Variants in SAMD12 observed in about 807,000 individuals in gnomAD.
SAMD12 encodes sterile alpha motif domain-containing protein 12.
Under a neutral mutation model 15.0 loss-of-function variants are expected in SAMD12, and 9 were observed. The observed-to-expected ratio is 0.60, with a 90% CI of 0.36 to 1.05. The LOEUF is 1.05. Ranked by LOEUF, SAMD12 falls within the 50% of genes least tolerant of loss-of-function variation. The probability of loss-of-function intolerance (pLI) is 0.01; values close to 1 mark genes in which losing one functional copy is unlikely to be tolerated. For synonymous variants in SAMD12, 86 were observed against 90.1 expected (o/e 0.96, Z 0.25); for missense variants, 230 against 234.2 (o/e 0.98, Z 0.12).
chr8:118,429,328 C>G (rs1051833120), intron 3 of SAMD12, among the ~76,000 whole-genome samples: 1 of 152,184 alleles, frequency 6.6e-6, no homozygotes, highest in African/African-American at 2.4e-5. Flanking sequence ...GAAATGCTCA[C>G]TGCAGTACTT....
At chr8:118,604,844 C>T (rs1389869416) in intron 1 of SAMD12, among the ~76,000 whole-genome samples, 1 of 152,068 alleles carries the variant, frequency 6.6e-6, no homozygotes, top group African/African-American at 2.4e-5. Flanking sequence ...ATGGCATGAA[C>T]CCGGGGGACG....
exon 5 of SAMD12, chr8:118,194,815 A>G (rs1819510482): frequency 6.6e-6 from 1 of 152,218 alleles, no homozygotes; most frequent in Admixed American, 6.5e-5. Context: ...GGACCACCAC[A>G]TAATAAAGAA....
the SAMD12 span, among the ~76,000 whole-genome samples, chr8:118,181,673 G>A: frequency 6.6e-6 from 1 of 152,168 alleles, no homozygotes; most frequent in African/African-American, 2.4e-5. Flanking sequence ...GAGCTAAACA[G>A]CCCATCCAGC....
chr8:118,269,216 CTCTCTGTGTGTGTGTG>C (rs1175191048), intron 4 of SAMD12, among the ~76,000 whole-genome samples: 3 of 116,906 alleles, frequency 2.6e-5, no homozygotes, highest in African/African-American at 4.1e-5. Context: ...CTCTCTCTCT[CTCTCTGTGTGTGTGTG>C]TGTGTGTGTG....
intron 4 of SAMD12, among the ~76,000 whole-genome samples, chr8:118,229,121 T>C (rs913327108): frequency 6.4e-4 from 97 of 151,996 alleles, no homozygotes; most frequent in African/African-American, 2.2e-3. Flanking sequence ...CAATGGACTT[T>C]AGGGACTTGA....
intron 4 of SAMD12, among the ~76,000 whole-genome samples, chr8:118,283,964 C>T (rs1401912610): frequency 6.6e-6 from 1 of 152,130 alleles, no homozygotes; most frequent in South Asian, 2.1e-4. Context: ...TCCTCTGGCA[C>T]CCTAGAATAA....
At chr8:118,177,451 T>G in the SAMD12 span, among the ~76,000 whole-genome samples, 1,304 of 152,100 alleles carry the variant, frequency 8.6e-3, 25 homozygotes, top group African/African-American at 0.03. Flanking sequence ...ACTGTGTTGC[T>G]CAAGCTGGTC....
chr8:118,463,103 A>C (rs1222331528), intron 2 of SAMD12, among the ~76,000 whole-genome samples: 1 of 16,552 alleles, frequency 6.0e-5, no homozygotes, highest in Non-Finnish European at 1.2e-4. Context: ...TCCGTCTCAA[A>C]AAAAAAAAAA....
intron 3 of SAMD12, among the ~76,000 whole-genome samples, chr8:118,420,543 G>A (rs1236861766): frequency 1.3e-5 from 2 of 152,140 alleles, no homozygotes; most frequent in South Asian, 2.1e-4. Flanking sequence ...TTTTTTAGTG[G>A]AAGAGAGAGA....
chr8:118,142,394 C>T, the SAMD12 span, among the ~76,000 whole-genome samples: 2 of 152,176 alleles, frequency 1.3e-5, no homozygotes, highest in Non-Finnish European at 2.9e-5. Context: ...CACCTAATGT[C>T]TCTCAATTCT....
At chr8:118,579,051 C>T (rs369255690) in intron 2 of SAMD12, among the ~76,000 whole-genome samples, 3 of 152,126 alleles carry the variant, frequency 2.0e-5, no homozygotes, top group Admixed American at 2.0e-4. Flanking sequence ...TTTCAGGATT[C>T]ACAATTCACA....
At chr8:118,330,977 A>G (rs139975043) in intron 4 of SAMD12, among the ~76,000 whole-genome samples, 1 of 152,330 alleles carries the variant, frequency 6.6e-6, no homozygotes, top group Non-Finnish European at 1.5e-5. Context: ...TAGAAAAAAA[A>G]GAAGGAATAT....
At position 118,362,643 on chromosome 8, in the gene SAMD12, T is replaced by G. The variant is rs928174802; in HGVS notation, c.433+16917A>C. ...ATTAGGTTTGTTTCTCTAATAGAAC[T>G]TGGAAAGAGGGAGCCTTTAGATGTA... On this transcript the variant is annotated intron_variant, in intron 4 of 4. Coordinates refer to the SAMD12 transcript ENST00000409003. 2.6e-5 allele frequency among the ~76,000 whole-genome samples: 4 copies of G among 152,194 alleles called. No individual in the cohort carries two copies. The South Asian group carries it at 6.2e-4, about 24-fold the overall frequency.
chr8:118,566,867 C>T (rs1263395048), intron 2 of SAMD12, among the ~76,000 whole-genome samples: 1 of 152,168 alleles, frequency 6.6e-6, no homozygotes, highest in Non-Finnish European at 1.5e-5. Context: ...GTCTGGGTTT[C>T]TCCACTGTTA....
intron 4 of SAMD12, among the ~76,000 whole-genome samples, chr8:118,327,289 G>T (rs141789014): frequency 4.6e-5 from 7 of 152,280 alleles, no homozygotes; most frequent in Non-Finnish European, 8.8e-5. Context: ...TCCAGAATGT[G>T]TTCTCCATCT....
intron 2 of SAMD12, among the ~76,000 whole-genome samples, chr8:118,465,438 G>C (rs1764727976): frequency 6.6e-6 from 1 of 152,138 alleles, no homozygotes; most frequent in African/African-American, 2.4e-5. Flanking sequence ...CTGCTTGCCA[G>C]TTATTGTTCT....
chr8:118,148,937 T>A, the SAMD12 span, among the ~76,000 whole-genome samples: 1 of 152,264 alleles, frequency 6.6e-6, no homozygotes, highest in Non-Finnish European at 1.5e-5. Context: ...CACCAGTTGA[T>A]GGACATTTGG....
At chr8:118,604,660 G>A (rs562859682) in intron 1 of SAMD12, among the ~76,000 whole-genome samples, 4 of 152,294 alleles carry the variant, frequency 2.6e-5, no homozygotes, top group East Asian at 1.9e-4. Context: ...GGTGGCTCGC[G>A]CCTGTAATCC....
chr8:118,393,334 G>C (rs1820382001), intron 3 of SAMD12, among the ~76,000 whole-genome samples: 1 of 151,922 alleles, frequency 6.6e-6, no homozygotes, highest in Admixed American at 6.6e-5. Flanking sequence ...TGGAACTATA[G>C]GTGCACACCA....
Sources: gnomAD v4.1 joint callset for allele counts (sites outside exome capture counted in the v4.1 genomes callset) on GRCh38, gnomAD v4.1.1 for gene constraint, MANE v1.5 for transcripts, NCBI Gene and HGNC (gene_info 2026-07-23, HGNC 2026-07-21) for gene names.